Variants in NEMP2 observed in about 807,000 individuals in gnomAD.
NEMP2 encodes the protein nuclear envelope integral membrane protein 2.
In NEMP2, 53 loss-of-function variants were observed where a neutral mutation model predicts 54.2. The observed-to-expected ratio is 0.98, with a 90% confidence interval of 0.78 to 1.23. The LOEUF is 1.23. NEMP2 is among the 50% of genes most tolerant of loss of function. NEMP2 has a pLI of 0.00. For synonymous variants in NEMP2, 197 were observed against 190.3 expected, an observed-to-expected ratio of 1.04 and a Z score of -0.29; for missense variants, 455 against 511.3, an observed-to-expected ratio of 0.89 and a Z score of 1.06.
the NEMP2 span, among the ~76,000 whole-genome samples, chr2:190,621,599 T>G: frequency 2.0e-5 from 3 of 148,296 alleles, no homozygotes; most frequent in Admixed American, 6.7e-5. Flanking sequence ...GTCTTTGGGT[T>G]TTTTTTTTTG....
At chr2:190,604,684 A>G in the NEMP2 span, among the ~76,000 whole-genome samples, 48 of 152,132 alleles carry the variant, frequency 3.2e-4, no homozygotes, top group Non-Finnish European at 5.7e-4. The surrounding 1 kb of genome is among the most constrained non-coding windows in gnomAD (Gnocchi z 4.5). Context: ...GCTCATGTCC[A>G]CTGCACCACT....
At chr2:190,485,842 ATATATAAAACC>A in the NEMP2 span, among the ~76,000 whole-genome samples, 1 of 152,136 alleles carries the variant, frequency 6.6e-6, no homozygotes, top group African/African-American at 2.4e-5. The surrounding 1 kb of genome is among the most constrained non-coding windows in gnomAD (Gnocchi z 5.1). Context: ...TGACTGAAAC[ATATATAAAACC>A]TAAGAAAGTT....
chr2:190,480,026 G>T, the NEMP2 span, among the ~76,000 whole-genome samples: 16 of 152,262 alleles, frequency 1.1e-4, no homozygotes, highest in East Asian at 2.9e-3. Context: ...AGCTAGGCAT[G>T]GTGGCATGCG....
At chr2:190,526,073 A>G (rs1690924759) in intron 1 of NEMP2, among the ~76,000 whole-genome samples, 1 of 152,348 alleles carries the variant, frequency 6.6e-6, no homozygotes, top group African/African-American at 2.4e-5. Flanking sequence ...GGCACTAACA[A>G]TAAGGCACTA....
chr2:190,444,421 A>T, the NEMP2 span, among the ~76,000 whole-genome samples: 2 of 152,212 alleles, frequency 1.3e-5, no homozygotes, highest in African/African-American at 2.4e-5. Flanking sequence ...CTACTGTAAT[A>T]TCAGTGTCAG....
chr2:190,511,064 T>A (rs1328772134), intron 7 of NEMP2, among the ~76,000 whole-genome samples: 1 of 152,194 alleles, frequency 6.6e-6, no homozygotes, highest in Non-Finnish European at 1.5e-5. Flanking sequence ...ATAAATAATG[T>A]CCTAAGGTAT....
the NEMP2 span, among the ~76,000 whole-genome samples, chr2:190,446,990 C>T: frequency 2.6e-5 from 4 of 152,126 alleles, no homozygotes; most frequent in East Asian, 5.8e-4. Context: ...CACAAGCCAT[C>T]ACCACAAACA....
At chr2:190,579,407 G>A in the NEMP2 span, among the ~76,000 whole-genome samples, 23 of 151,934 alleles carry the variant, frequency 1.5e-4, no homozygotes, top group Admixed American at 7.2e-4. Context: ...TTCAAGTGGA[G>A]CGAAGATGAC....
Position 190,514,722 on chromosome 2 carries a change from G to A in NEMP2, c.728-44C>T. On this transcript the variant is annotated intron_variant, in intron 6 of 8. Coordinates refer to ENST00000409150, the MANE Select transcript of NEMP2 (RefSeq NM_001142645.2). The surrounding 1 kb of genome is among the most constrained non-coding windows in gnomAD (Gnocchi z 5.7). ...TAAAATAATATAAATTTGAATTTGA[G>A]ACATTATGTGAAAAACCTGGCAGAG... 6.6e-7 allele frequency: 1 copy of A among 1,514,926 alleles called. No individual in the cohort carries two copies. Among genetic ancestry groups the A allele is most frequent in the South Asian group, 1.2e-5 (1 of 82,800 alleles). The allele number at this position is 1,514,926 out of a possible 1,614,324, so 93.8% of individuals were successfully genotyped here.
the NEMP2 span, among the ~76,000 whole-genome samples, chr2:190,577,987 A>G: frequency 3.9e-5 from 6 of 152,344 alleles, no homozygotes; most frequent in East Asian, 7.7e-4. The surrounding 1 kb of genome is among the most constrained non-coding windows in gnomAD (Gnocchi z 4.8). Flanking sequence ...CATTTTTTCA[A>G]TGTTTTGTCT....
At chr2:190,480,249 C>T in the NEMP2 span, among the ~76,000 whole-genome samples, 5 of 152,198 alleles carry the variant, frequency 3.3e-5, no homozygotes, top group Non-Finnish European at 7.3e-5. Context: ...TATTGTCTAA[C>T]TTAGTTTAAA....
rs1384948770 is a variant in NEMP2, at chr2:190,512,825, G to A, written c.953+1628C>T. The stretch of plus-strand genomic sequence containing the variant: ...CAGTCAGCATCAACCCTCCAACCCT[G>A]CCCTGCTGCCTTTCAGCCCCGCCAG... On this transcript the variant is annotated intron_variant, in intron 7 of 8. Coordinates refer to ENST00000409150, the MANE Select transcript of NEMP2 (RefSeq NM_001142645.2). This position sits in a 1 kb window ranked among gnomAD's most constrained non-coding sequence, Gnocchi z 4.5. Among the ~76,000 whole-genome samples the A allele has an allele frequency of 6.6e-6, 1 of 152,300 alleles. No individual in the cohort carries two copies. The highest frequency in any genetic ancestry group is 1.9e-4 in the East Asian group (1 of 5,178).
At chr2:190,543,353 T>C in the NEMP2 span, among the ~76,000 whole-genome samples, 1 of 152,230 alleles carries the variant, frequency 6.6e-6, no homozygotes, top group Non-Finnish European at 1.5e-5. The surrounding 1 kb of genome is among the most constrained non-coding windows in gnomAD (Gnocchi z 4.7). Flanking sequence ...GGTTGTCCTC[T>C]CTTTTTGCCC....
the NEMP2 span, among the ~76,000 whole-genome samples, chr2:190,552,397 G>C: frequency 1.4e-4 from 22 of 152,092 alleles, no homozygotes; most frequent in African/African-American, 5.1e-4. Flanking sequence ...ATATACTGCT[G>C]CCACTGTCAT....
chr2:190,465,470 G>A, the NEMP2 span, among the ~76,000 whole-genome samples: 1 of 151,728 alleles, frequency 6.6e-6, no homozygotes, highest in Admixed American at 6.6e-5. This position sits in a 1 kb window ranked among gnomAD's most constrained non-coding sequence, Gnocchi z 4.6. Flanking sequence ...GTGCCCATAA[G>A]ATTACTGATT....
the NEMP2 span, chr2:190,469,797 T>C: frequency 1.2e-6 from 2 of 1,610,706 alleles, no homozygotes; most frequent in East Asian, 2.2e-5. This position sits in a 1 kb window ranked among gnomAD's most constrained non-coding sequence, Gnocchi z 5.3. Context: ...CGGCTCGCTA[T>C]ATTTATATTT....
At chr2:190,438,652 T>C in the NEMP2 span, among the ~76,000 whole-genome samples, 1 of 152,232 alleles carries the variant, frequency 6.6e-6, no homozygotes, top group South Asian at 2.1e-4. This position sits in a 1 kb window ranked among gnomAD's most constrained non-coding sequence, Gnocchi z 5.2. Context: ...ACTTAAGCAT[T>C]CTTGCCTTAC....
At chr2:190,490,301 C>G in the NEMP2 span, among the ~76,000 whole-genome samples, 1 of 151,484 alleles carries the variant, frequency 6.6e-6, no homozygotes, top group Non-Finnish European at 1.5e-5. The surrounding 1 kb of genome is among the most constrained non-coding windows in gnomAD (Gnocchi z 4.5). Context: ...CAGTGGCTCA[C>G]GCCTGTAATC....
At chr2:190,620,952 T>G in the NEMP2 span, among the ~76,000 whole-genome samples, 1 of 152,178 alleles carries the variant, frequency 6.6e-6, no homozygotes, top group African/African-American at 2.4e-5. The surrounding 1 kb of genome is among the most constrained non-coding windows in gnomAD (Gnocchi z 4.9). Context: ...TCAATATACT[T>G]CTATATGCTA....
Sources: gnomAD v4.1 joint callset for allele counts (sites outside exome capture counted in the v4.1 genomes callset) on GRCh38, gnomAD v4.1.1 for gene constraint, Gnocchi (gnomAD v3.1) non-coding constraint, MANE v1.5 for transcripts, NCBI Gene and HGNC (gene_info 2026-07-23, HGNC 2026-07-21) for gene names.